The following MICAL3 variants were observed in gnomAD, a reference collection of about 807,000 sequenced individuals.
MICAL3 encodes [F-actin]-monooxygenase MICAL3.
In MICAL3, 62 loss-of-function variants were observed where a neutral mutation model predicts 207.4. The observed-to-expected ratio is 0.30, with a 90% CI of 0.24 to 0.37. The LOEUF (loss-of-function observed/expected upper bound fraction) is 0.37. MICAL3 is among the 10% of genes least tolerant of loss of function. The probability of loss-of-function intolerance (pLI) is 1.00; values close to 1 mark genes in which losing one functional copy is unlikely to be tolerated. For missense variants in MICAL3, 2,368 were observed against 2,635.6 expected, an observed-to-expected ratio of 0.90 and a Z score of 2.22; for synonymous variants, 1,077 against 1,069.3, an observed-to-expected ratio of 1.01 and a Z score of -0.14.
intron 16 of MICAL3, among the ~76,000 whole-genome samples, chr22:17,883,057 C>T (rs2146212191): frequency 6.6e-6 from 1 of 152,308 alleles, no homozygotes; most frequent in South Asian, 2.1e-4. Flanking sequence ...CCTCAGGCAC[C>T]CGTTATGAAT....
chr22:17,930,900 C>T (rs1933217856), intron 1 of MICAL3, among the ~76,000 whole-genome samples: 1 of 152,246 alleles, frequency 6.6e-6, no homozygotes, highest in South Asian at 2.1e-4. Context: ...CCCTGCTGGC[C>T]AATCACAGGC....
chr22:18,000,336 G>A (rs1922801577), intron 1 of MICAL3, among the ~76,000 whole-genome samples: 1 of 151,978 alleles, frequency 6.6e-6, no homozygotes, highest in South Asian at 2.1e-4. Flanking sequence ...ATTAACATCT[G>A]CATTAAACAC....
chr22:18,023,998 C>A (rs539265727), intron 1 of MICAL3, among the ~76,000 whole-genome samples: 120 of 152,322 alleles, frequency 7.9e-4, no homozygotes, highest in African/African-American at 2.7e-3. Flanking sequence ...GGGAGACAGC[C>A]CTGCTCTCTG....
At chr22:17,995,480 C>T (rs1037619927) in intron 1 of MICAL3, among the ~76,000 whole-genome samples, 4 of 149,486 alleles carry the variant, frequency 2.7e-5, no homozygotes, top group Non-Finnish European at 4.4e-5. Flanking sequence ...TTGCACCCAG[C>T]CTTTTCTTTA....
rs779539345 is a variant in MICAL3 at position 17,817,593 on chromosome 22, C to T, written c.5068G>A (p.Glu1690Lys). Residue 1690 changes from glutamate (E) to lysine (K), a missense_variant, in exon 26 of 32, where the codon GAG becomes AAG. Glu to Lys is a moderately conservative substitution (Grantham distance 56). This residue lies in a region of MICAL3 where 1,770 missense variants were observed against 1,863.2 expected (regional missense o/e 0.95). Coordinates refer to ENST00000441493, the MANE Select transcript of MICAL3 (RefSeq NM_015241.3). ...GGPDGSFTSS[E>K]GSSGKSKKRS... is the part of the protein sequence containing the mutation. ...TTCTTGCTCTTCCCACTGGAGCCCT[C>T]GGATGAAGTGAAAGAGCCATCTGGG... 41 of 1,613,140 alleles carry T rather than the reference C, an allele frequency of 2.5e-5. No homozygotes were observed. In the South Asian group the frequency reaches 3.1e-4, roughly 12 times the overall value.
intron 5 of MICAL3, among the ~76,000 whole-genome samples, chr22:17,901,463 G>GT (rs1931313996): frequency 6.6e-6 from 1 of 152,090 alleles, no homozygotes; most frequent in South Asian, 2.1e-4. Flanking sequence ...GAGCCAAGGA[G>GT]TTTGAGACCA....
intron 1 of MICAL3, among the ~76,000 whole-genome samples, chr22:18,002,674 T>G (rs537858527): frequency 1.6e-4 from 24 of 152,026 alleles, no homozygotes; most frequent in Non-Finnish European, 2.5e-4. Context: ...GAACCAAATA[T>G]ATCTTGTATG....
chr22:17,823,719 C>T (rs8138398), intron 22 of MICAL3, among the ~76,000 whole-genome samples: 38,807 of 152,094 alleles, frequency 0.26, 5,518 homozygotes, highest in Non-Finnish European at 0.33. Context: ...TGTCCCATCC[C>T]CAAGATCTCT....
At chr22:17,842,444 T>G (rs1465658678) in intron 19 of MICAL3, 2 of 179,822 alleles carry the variant, frequency 1.1e-5, no homozygotes, top group Non-Finnish European at 2.4e-5. Flanking sequence ...CCTCCCCCAA[T>G]GCCTGCCCCG....
Position 17,831,941 on chromosome 22 carries a change from C to T in MICAL3, c.2968G>A (p.Gly990Arg). The change falls in exon 21 of 32, where the codon GGG becomes AGG. Residue 990 changes from glycine (G) to arginine (R), a missense_variant. Gly to Arg is a moderately radical substitution (Grantham distance 125). Around this residue, in one of 4 missense-constraint regions of MICAL3, gnomAD observed 1,770 missense variants for 1,863.2 expected, o/e 0.95. Transcript: ENST00000441493. Reference sequence around the variant, plus strand: ...TCCTCCTCCTCCTCCTCTTCATTCCCAGGCCCAAAGCTCTTTGAGGCCTCT... The same window carrying T: ...TCCTCCTCCTCCTCCTCTTCATTCCTAGGCCCAAAGCTCTTTGAGGCCTCT... ...ELEASKSFGP[G>R]NEEEEEEEEE... The T allele has an allele frequency of 1.3e-6, 2 of 1,578,212 alleles. No homozygotes were observed. Among genetic ancestry groups the T allele is most frequent in the Non-Finnish European group, 1.7e-6 (2 of 1,161,800 alleles).
intron 1 of MICAL3, chr22:17,981,048 C>A: frequency 2.8e-6 from 1 of 362,960 alleles, no homozygotes. Context: ...CTGGCAAATG[C>A]TTAACAGACT....
chr22:17,957,832 A>C (rs1051874198), intron 1 of MICAL3, among the ~76,000 whole-genome samples: 2 of 152,130 alleles, frequency 1.3e-5, no homozygotes, highest in Admixed American at 6.5e-5. Context: ...GAAATGGTAC[A>C]GTCACAGGGA....
chr22:17,852,881 C>T (rs1925485501), intron 19 of MICAL3, among the ~76,000 whole-genome samples: 2 of 152,106 alleles, frequency 1.3e-5, no homozygotes, highest in South Asian at 4.2e-4. Flanking sequence ...TCAAGACCAG[C>T]CTAGCTGACA....
At chr22:18,016,897 T>C (rs1924091438) in intron 1 of MICAL3, among the ~76,000 whole-genome samples, 1 of 151,842 alleles carries the variant, frequency 6.6e-6, no homozygotes, top group South Asian at 2.1e-4. Flanking sequence ...CCAAGATTGC[T>C]TCACTGCACT....
intron 1 of MICAL3, among the ~76,000 whole-genome samples, chr22:18,014,938 C>T (rs759622696): frequency 4.6e-5 from 7 of 151,296 alleles, no homozygotes; most frequent in Non-Finnish European, 5.9e-5. Context: ...AGTGAGCCGA[C>T]ATTGCGCTAC....
At chr22:17,979,635 C>A (rs5992144) in intron 1 of MICAL3, among the ~76,000 whole-genome samples, 4,352 of 152,176 alleles carry the variant, frequency 0.029, 169 homozygotes, top group African/African-American at 0.086. Flanking sequence ...CGGCATCCAG[C>A]GCCTTCTACA....
intron 27 of MICAL3, 166 bp from the exon 28 acceptor site, chr22:17,810,979 G>A: frequency 1.7e-6 from 1 of 589,562 alleles, no homozygotes; most frequent in East Asian, 2.9e-5. Flanking sequence ...AGCAGGACGG[G>A]GGTGCTGATA....
At chr22:17,792,491 C>T (rs1171315452) in intron 29 of MICAL3, among the ~76,000 whole-genome samples, 26 of 152,180 alleles carry the variant, frequency 1.7e-4, no homozygotes, top group Non-Finnish European at 1.5e-5. Context: ...TTAAGACAAG[C>T]CCAGGAGTGT....
intron 16 of MICAL3, chr22:17,884,498 C>A: frequency 1.6e-6 from 1 of 625,508 alleles, no homozygotes; most frequent in South Asian, 2.3e-5. Flanking sequence ...GAGGGGGACT[C>A]ATTCTTAGAA....
Sources: allele counts gnomAD v4.1 joint callset (sites outside exome capture counted in the v4.1 genomes callset), GRCh38; gene constraint gnomAD v4.1.1; regional missense constraint gnomAD v4.1.1; transcripts MANE v1.5; gene names NCBI Gene and HGNC (gene_info 2026-07-23, HGNC 2026-07-21).